DPH6: variants seen among roughly 807,000 people sequenced by gnomAD.
The protein encoded by DPH6 is diphthine--ammonia ligase.
DPH6 carries 33 observed loss-of-function variants against 38.2 expected under a neutral mutation model. That is an observed-to-expected ratio of 0.86 (90% CI 0.65 to 1.15). DPH6 has a LOEUF of 1.15. DPH6 is among the 50% of genes most tolerant of loss of function. The pLI, the probability that DPH6 is intolerant of heterozygous loss-of-function variation, is 0.00. For missense variants in DPH6, 325 were observed against 320.0 expected (o/e 1.02, Z -0.12); for synonymous variants, 108 against 103.0 (o/e 1.05, Z -0.30).
chr15:35,203,559 A>G, the DPH6 span, among the ~76,000 whole-genome samples: 1 of 151,732 alleles, frequency 6.6e-6, no homozygotes, highest in East Asian at 1.9e-4. Flanking sequence ...ACTGCATTTT[A>G]ATAACTCAAA....
In DPH6 at chr15:35,402,774, C is replaced by T. The variant is rs1168566319; in HGVS notation, c.567+8061G>A. Among the ~76,000 whole-genome samples, 3 of 151,730 alleles carry T rather than the reference C, an allele frequency of 2.0e-5. No individual in the cohort carries two copies. The East Asian group carries it at 5.8e-4, about 29-fold the overall frequency. ...TATTCTTTAACCCAGAAATTATATTCCTAGGAACTTAAGAAAATAACCAGA... is the reference window on the plus strand; with the variant it reads ...TATTCTTTAACCCAGAAATTATATTTCTAGGAACTTAAGAAAATAACCAGA... On this transcript the variant is annotated intron_variant, in intron 6 of 8. Transcript: ENST00000256538.
intron 3 of DPH6, among the ~76,000 whole-genome samples, chr15:35,325,210 T>A (rs188991692): frequency 5.2e-4 from 79 of 152,300 alleles, no homozygotes; most frequent in East Asian, 1.3e-3. Context: ...GGTTTTTTTT[T>A]ATTCAAATTG....
chr15:35,463,377 T>TA (rs1555403894), intron 3 of DPH6, among the ~76,000 whole-genome samples: 1 of 80 alleles, frequency 0.013, no homozygotes, highest in Non-Finnish European at 0.024. Flanking sequence ...TGTGCACAAG[T>TA]TATATAAATA....
chr15:35,355,319 C>T (rs1156551360), intron 3 of DPH6, among the ~76,000 whole-genome samples: 1 of 152,118 alleles, frequency 6.6e-6, no homozygotes, highest in Admixed American at 6.5e-5. Flanking sequence ...TGAATTTGAT[C>T]CTGTCATTAT....
intron 3 of DPH6, among the ~76,000 whole-genome samples, chr15:35,348,357 T>C (rs1387676678): frequency 5.9e-5 from 9 of 152,172 alleles, no homozygotes; most frequent in Admixed American, 5.9e-4. Context: ...AACTTCATTG[T>C]TTTGCATGTG....
At chr15:35,417,045 G>T (rs1263281415) in intron 5 of DPH6, among the ~76,000 whole-genome samples, 1 of 151,972 alleles carries the variant, frequency 6.6e-6, no homozygotes, top group Admixed American at 6.6e-5. Context: ...GCATACCAAT[G>T]ATTCCATAAA....
chr15:35,197,640 T>C, the DPH6 span, among the ~76,000 whole-genome samples: 1 of 152,204 alleles, frequency 6.6e-6, no homozygotes, highest in Admixed American at 6.5e-5. Context: ...GCTTTAGGGT[T>C]TCTAGGTATT....
intron 3 of DPH6, among the ~76,000 whole-genome samples, chr15:35,338,493 C>A (rs562115362): frequency 8.3e-4 from 127 of 152,304 alleles, no homozygotes; most frequent in African/African-American, 2.9e-3. Context: ...TACCATCTCA[C>A]ACCAGTTAGA....
chr15:35,165,636 T>A, the DPH6 span, among the ~76,000 whole-genome samples: 2 of 151,962 alleles, frequency 1.3e-5, no homozygotes, highest in Non-Finnish European at 2.9e-5. Context: ...TATTTTGTTC[T>A]TAGTGTGGTG....
chr15:35,194,924 T>C, the DPH6 span, among the ~76,000 whole-genome samples: 1 of 152,222 alleles, frequency 6.6e-6, no homozygotes, highest in South Asian at 2.1e-4. Flanking sequence ...GCTAGGAGCA[T>C]TTGAATTATT....
the DPH6 span, among the ~76,000 whole-genome samples, chr15:35,153,216 T>C: frequency 6.6e-6 from 1 of 152,196 alleles, no homozygotes; most frequent in East Asian, 1.9e-4. Context: ...TTGCTGAGAA[T>C]GTATGGATCA....
chr15:35,540,953 G>T (rs965963962), intron 2 of DPH6, among the ~76,000 whole-genome samples: 1 of 152,096 alleles, frequency 6.6e-6, no homozygotes, highest in African/African-American at 2.4e-5. Context: ...GGCCACAAGG[G>T]ATAAGGGAGT....
the DPH6 span, among the ~76,000 whole-genome samples, chr15:35,200,194 C>T: frequency 6.6e-6 from 1 of 151,982 alleles, no homozygotes; most frequent in African/African-American, 2.4e-5. Flanking sequence ...TGGAACAATA[C>T]GTGGTGTTAT....
chr15:35,371,500 T>C lies in DPH6; in HGVS notation c.*650A>G, dbSNP rs2052713226. The C allele has an allele frequency of 4.7e-6, 4 of 853,360 alleles. No homozygotes were observed. Among genetic ancestry groups the C allele is most frequent in the Non-Finnish European group, 5.6e-6 (4 of 709,962 alleles). The allele number at this position is 853,360 out of a possible 1,614,324, so 52.9% of individuals were successfully genotyped here. ...TCTGCATTTTCTGCTCCATTTTTGC[T>C]GTGAACCTAAAACTGTTCTAAAACA... On this transcript the variant is annotated 3_prime_UTR_variant, in exon 9 of 9. Coordinates refer to ENST00000256538, the MANE Select transcript of DPH6 (RefSeq NM_080650.4).
the DPH6 span, among the ~76,000 whole-genome samples, chr15:35,145,842 C>T: frequency 6.6e-6 from 1 of 152,184 alleles, no homozygotes; most frequent in South Asian, 2.1e-4. Flanking sequence ...CTCCATCTAT[C>T]TATCTACATT....
At chr15:35,431,792 A>T (rs536170534) in intron 5 of DPH6, among the ~76,000 whole-genome samples, 1 of 152,064 alleles carries the variant, frequency 6.6e-6, no homozygotes, top group Admixed American at 6.6e-5. Flanking sequence ...CACTTGGCAA[A>T]GTTTTTTTTT....
At position 35,538,169 on chromosome 15, in the gene DPH6, T is replaced by A. The variant is rs56067749; in HGVS notation, c.312+105A>T. 2,167 of 1,003,116 alleles carry A rather than the reference T, an allele frequency of 2.2e-3. 42 individuals carry two copies. In the African/African-American group the frequency reaches 0.031, roughly 15 times the overall value. The allele number at this position is 1,003,116 out of a possible 1,614,324, so 62.1% of individuals were successfully genotyped here. On this transcript the variant is annotated intron_variant, in intron 3 of 8. Transcript: ENST00000256538. Reference sequence around the variant, plus strand: ...AGACAAAATCCTTTTAAAGAATAGTTGGGCTACTAACAATTGCAAATTACG... The same window carrying A: ...AGACAAAATCCTTTTAAAGAATAGTAGGGCTACTAACAATTGCAAATTACG...
At chr15:35,374,760 T>A (rs2052758924) in intron 7 of DPH6, among the ~76,000 whole-genome samples, 1 of 152,050 alleles carries the variant, frequency 6.6e-6, no homozygotes, top group Admixed American at 6.6e-5. Flanking sequence ...AAACATATAA[T>A]TTGCCTTCAC....
downstream of DPH6, among the ~76,000 whole-genome samples, chr15:35,215,722 T>C (rs923376666): frequency 6.6e-6 from 1 of 152,210 alleles, no homozygotes; most frequent in East Asian, 1.9e-4. Context: ...CATATGCCAT[T>C]TAATGCGCTA....
Sources: allele counts gnomAD v4.1 joint callset (sites outside exome capture counted in the v4.1 genomes callset), GRCh38; gene constraint gnomAD v4.1.1; transcripts MANE v1.5; gene names NCBI Gene and HGNC (gene_info 2026-07-23, HGNC 2026-07-21).